The following SSPN variants were observed in gnomAD, a reference collection of about 807,000 sequenced individuals.
The protein encoded by SSPN is K-ras oncogene-associated protein.
In SSPN, 15 loss-of-function variants were observed where a neutral mutation model predicts 19.1. The ratio of observed to expected loss-of-function variants is 0.78; its 90% CI spans 0.52 to 1.21. SSPN has a LOEUF of 1.21. SSPN is among the 50% of genes most tolerant of loss of function. SSPN has a pLI of 0.00. For missense variants in SSPN, 291 were observed against 314.0 expected, an observed-to-expected ratio of 0.93 and a Z score of 0.55; for synonymous variants, 147 against 140.3, an observed-to-expected ratio of 1.05 and a Z score of -0.34.
At chr12:26,150,298 T>C (rs1387702613) in intron 1 of SSPN, among the ~76,000 whole-genome samples, 1 of 152,180 alleles carries the variant, frequency 6.6e-6, no homozygotes, top group Non-Finnish European at 1.5e-5. Flanking sequence ...AGCTGGGTAT[T>C]TTGACACTGA....
intron 1 of SSPN, chr12:26,124,954 GCTCGCACACACA>G: frequency 2.8e-6 from 2 of 703,592 alleles, no homozygotes; most frequent in East Asian, 5.4e-5. Flanking sequence ...CCTCCACCGC[GCTCGCACACACA>G]CACGCACACA....
intron 1 of SSPN, among the ~76,000 whole-genome samples, chr12:26,163,276 T>C (rs1439775815): frequency 1.3e-5 from 2 of 152,156 alleles, no homozygotes; most frequent in African/African-American, 4.8e-5. Flanking sequence ...ATTAATACCT[T>C]CTCTATAATA....
intron 1 of SSPN, among the ~76,000 whole-genome samples, chr12:26,186,534 A>C (rs1944755523): frequency 6.6e-6 from 1 of 152,210 alleles, no homozygotes; most frequent in Non-Finnish European, 1.5e-5. Context: ...ACAAGTTGAC[A>C]AAAACATTCT....
chr12:26,212,775 T>TA (rs2137483497), intron 1 of SSPN, among the ~76,000 whole-genome samples: 1 of 152,286 alleles, frequency 6.6e-6, no homozygotes, highest in Admixed American at 6.5e-5. Context: ...TTCCTAGACA[T>TA]AAAAAGTTGT....
chr12:26,212,328 G>C (rs1349200245), intron 1 of SSPN, among the ~76,000 whole-genome samples: 2 of 152,162 alleles, frequency 1.3e-5, no homozygotes, highest in African/African-American at 2.4e-5. Context: ...CTAGACTTAG[G>C]TGTGATTGAG....
intron 1 of SSPN, chr12:26,122,637 G>GGGCCGCCGCCGC: frequency 1.5e-6 from 2 of 1,292,002 alleles, no homozygotes; most frequent in Non-Finnish European, 2.0e-6. Context: ...GCCGCCCCCC[G>GGGCCGCCGCCGC]GGCCGCCGCC....
intron 1 of SSPN, among the ~76,000 whole-genome samples, chr12:26,207,991 C>A (rs530765168): frequency 2.1e-5 from 3 of 144,872 alleles, no homozygotes; most frequent in South Asian, 4.8e-4. Flanking sequence ...CAGAGCAAGA[C>A]CCTGTCTCAA....
chr12:26,176,856 T>C (rs929798144), intron 1 of SSPN, among the ~76,000 whole-genome samples: 2 of 152,204 alleles, frequency 1.3e-5, no homozygotes, highest in Non-Finnish European at 2.9e-5. Context: ...TCCCTCTTGA[T>C]GTACCTGCCT....
chr12:26,163,321 C>G (rs548469525), intron 1 of SSPN, among the ~76,000 whole-genome samples: 1 of 152,296 alleles, frequency 6.6e-6, no homozygotes, highest in African/African-American at 2.4e-5. Context: ...TCTGAAATGT[C>G]TCTGAAGCCT....
upstream of SSPN, among the ~76,000 whole-genome samples, chr12:26,193,556 T>C (rs1271236843): frequency 6.6e-6 from 1 of 152,222 alleles, no homozygotes; most frequent in Non-Finnish European, 1.5e-5. Context: ...CATATTTCCA[T>C]AGGAAAACCA....
intron 1 of SSPN, among the ~76,000 whole-genome samples, chr12:26,167,690 T>C (rs1213947376): frequency 2.0e-5 from 3 of 152,226 alleles, no homozygotes; most frequent in African/African-American, 7.2e-5. Flanking sequence ...TTAAATGGTA[T>C]TCCATGTCCT....
rs1210389407 is a variant in SSPN at position 26,143,910 on chromosome 12, G to A, written c.-31+21758G>A. Among the ~76,000 whole-genome samples, 3 of 152,152 alleles carry A rather than the reference G, an allele frequency of 2.0e-5. No homozygotes were observed. In the East Asian group the frequency reaches 5.8e-4, roughly 29 times the overall value. Reference sequence around the variant, plus strand: ...TGAACTGCGCATGTGAGGGATCTAGGTTGTGTGCTTTTTATGAGAATCTAA... The same window carrying A: ...TGAACTGCGCATGTGAGGGATCTAGATTGTGTGCTTTTTATGAGAATCTAA... On this transcript the variant is annotated intron_variant, in intron 1 of 2. Transcript: ENST00000538142.
chr12:26,134,916 G>C (rs765901611), intron 1 of SSPN: 2 of 152,300 alleles, frequency 1.3e-5, no homozygotes, highest in Non-Finnish European at 2.9e-5. Context: ...GTGAAGTAGT[G>C]GGAAGTTCTG....
chr12:26,193,156 A>G (rs1944799361), upstream of SSPN, among the ~76,000 whole-genome samples: 1 of 152,250 alleles, frequency 6.6e-6, no homozygotes, highest in Non-Finnish European at 1.5e-5. Context: ...TATAGATACT[A>G]TGCTACCCAT....
intron 1 of SSPN, among the ~76,000 whole-genome samples, chr12:26,156,153 C>A (rs1944554664): frequency 6.6e-6 from 1 of 152,112 alleles, no homozygotes; most frequent in Admixed American, 6.5e-5. Context: ...TTAAGATGCA[C>A]AAATATAATC....
At chr12:26,180,324 G>A (rs183088975) in intron 1 of SSPN, 2 of 152,260 alleles carry the variant, frequency 1.3e-5, no homozygotes, top group Admixed American at 1.3e-4. Flanking sequence ...TCATTCACAC[G>A]GTCGTGCTCA....
intron 1 of SSPN, among the ~76,000 whole-genome samples, chr12:26,220,811 T>G (rs1012585659): frequency 1.3e-5 from 2 of 152,192 alleles, no homozygotes; most frequent in Non-Finnish European, 2.9e-5. Context: ...TCTTCAGCTC[T>G]TACATCTTTA....
chr12:26,153,905 GAGCTACGATTCCTGA>G (rs1218689048), intron 1 of SSPN, among the ~76,000 whole-genome samples: 1 of 152,204 alleles, frequency 6.6e-6, no homozygotes, highest in Non-Finnish European at 1.5e-5. Flanking sequence ...ACAGAACTAT[GAGCTACGATTCCTGA>G]AGCAGCCAAA....
chr12:26,184,339 C>T (rs1243283176), intron 1 of SSPN, among the ~76,000 whole-genome samples: 1 of 152,158 alleles, frequency 6.6e-6, no homozygotes, highest in East Asian at 1.9e-4. Context: ...CATGCAGTAA[C>T]CATAATGCCT....
Sources: allele counts gnomAD v4.1 joint callset (sites outside exome capture counted in the v4.1 genomes callset), GRCh38; gene constraint gnomAD v4.1.1; transcripts MANE v1.5; gene names NCBI Gene and HGNC (gene_info 2026-07-23, HGNC 2026-07-21).